PCNX1: variants seen among roughly 807,000 people sequenced by gnomAD.
The protein encoded by PCNX1 is pecanex 1.
A neutral mutation model predicts 242.2 loss-of-function variants in PCNX1; 78 were observed. The ratio of observed to expected loss-of-function variants is 0.32; its 90% CI spans 0.27 to 0.39. The LOEUF is 0.39. Ranked by LOEUF, PCNX1 falls within the 10% of genes least tolerant of loss-of-function variation. The pLI is 1.00. For missense variants in PCNX1, 2,581 were observed against 2,856.5 expected, an observed-to-expected ratio of 0.90 and a Z score of 2.20; for synonymous variants, 1,024 against 1,032.9, an observed-to-expected ratio of 0.99 and a Z score of 0.17.
intron 19 of PCNX1, among the ~76,000 whole-genome samples, chr14:71,041,800 A>ATACTG (rs2060714758): frequency 8.3e-6 from 1 of 120,816 alleles, no homozygotes; most frequent in African/African-American, 3.5e-5. Context: ...ATACTATACT[A>ATACTG]TACTATACTA....
chr14:70,974,315 A>G (rs1366098281), intron 5 of PCNX1, among the ~76,000 whole-genome samples: 1 of 119,960 alleles, frequency 8.3e-6, no homozygotes, highest in Non-Finnish European at 1.7e-5. Context: ...GTGTATTTTT[A>G]GTAGAGATGG....
intron 13 of PCNX1, among the ~76,000 whole-genome samples, chr14:71,025,325 C>G (rs2060211169): frequency 6.6e-6 from 1 of 152,160 alleles, no homozygotes. Flanking sequence ...ATATCTCTGT[C>G]ATTCTTTAAG....
At chr14:71,083,228 G>C (rs1461925331) in intron 28 of PCNX1, among the ~76,000 whole-genome samples, 2 of 152,198 alleles carry the variant, frequency 1.3e-5, no homozygotes, top group Non-Finnish European at 2.9e-5. Context: ...TCTGCTGTTA[G>C]TCTGATGGGC....
chr14:71,075,751 A>G (rs762678336), intron 27 of PCNX1, among the ~76,000 whole-genome samples: 37 of 152,062 alleles, frequency 2.4e-4, no homozygotes, highest in African/African-American at 8.7e-4. Context: ...ACAAAAATTT[A>G]TCTGGGTGTG....
intron 6 of PCNX1, among the ~76,000 whole-genome samples, chr14:70,984,918 G>A (rs2058953235): frequency 6.6e-6 from 1 of 152,094 alleles, no homozygotes; most frequent in South Asian, 2.1e-4. Context: ...ATAAATAGTT[G>A]CACTAAAATA....
At chr14:70,969,131 C>T (rs2058465814) in intron 5 of PCNX1, 21 bp downstream of exon 5, 1 of 1,388,672 alleles carries the variant, frequency 7.2e-7, no homozygotes, top group Non-Finnish European at 1.0e-6. Flanking sequence ...TATACTTTAC[C>T]ATGATGTCAT....
At chr14:71,041,780 CTACTATACTATACTA>C (rs71105759) in intron 19 of PCNX1, among the ~76,000 whole-genome samples, 4,096 of 149,258 alleles carry the variant, frequency 0.027, 140 homozygotes, top group African/African-American at 0.09. Flanking sequence ...GCATTTATTG[CTACTATACTATACTA>C]TACTATACTA....
At chr14:70,969,325 A>C in intron 5 of PCNX1, 2 of 448,392 alleles carry the variant, frequency 4.5e-6, no homozygotes, top group Non-Finnish European at 8.1e-6. Context: ...CCAGATAAAC[A>C]TGGAGAGAGA....
At chr14:71,066,409 CTGTT>C (rs1555372647) in intron 26 of PCNX1, among the ~76,000 whole-genome samples, 2 of 151,986 alleles carry the variant, frequency 1.3e-5, no homozygotes, top group Non-Finnish European at 2.9e-5. Context: ...ATTTGACTCT[CTGTT>C]TGTTATTGGT....
rs1299558649 is a variant in PCNX1 at position 71,055,621 on chromosome 14, G to A, written c.4636+59G>A. The A allele has an allele frequency of 3.1e-6, 3 of 981,008 alleles. No individual in the cohort carries two copies. The African/African-American group carries it at 4.8e-5, about 16-fold the overall frequency. The allele number at this position is 981,008 out of a possible 1,614,324, so 60.8% of individuals were successfully genotyped here. ...CTAAGGATTTGTTTTATATATATAT[G>A]TTTATATTCACTCCTAACTTGTTGG... On this transcript the variant is annotated intron_variant, in intron 25 of 35. Transcript: ENST00000304743.
chr14:70,985,704 T>C (rs2058981465), intron 6 of PCNX1, among the ~76,000 whole-genome samples: 1 of 152,224 alleles, frequency 6.6e-6, no homozygotes, highest in African/African-American at 2.4e-5. Flanking sequence ...TGTTTTTTCT[T>C]TTTTACCTAC....
intron 32 of PCNX1, 63 bp downstream of exon 32, chr14:71,103,732 G>A: frequency 6.7e-7 from 1 of 1,496,724 alleles, no homozygotes; most frequent in Non-Finnish European, 9.2e-7. Flanking sequence ...TCTAGGCAGT[G>A]TGCATCACCT....
chr14:70,913,108 AC>A (rs2055997641), intron 1 of PCNX1, among the ~76,000 whole-genome samples: 1 of 152,076 alleles, frequency 6.6e-6, no homozygotes, highest in African/African-American at 2.4e-5. Context: ...ATCATCCTCC[AC>A]TTCCATACCT....
chr14:70,966,075 T>G (rs1254530013), intron 3 of PCNX1, among the ~76,000 whole-genome samples: 1 of 152,220 alleles, frequency 6.6e-6, no homozygotes, highest in Non-Finnish European at 1.5e-5. Flanking sequence ...TTAAGTGTTT[T>G]TCTACAGTGA....
intron 1 of PCNX1, among the ~76,000 whole-genome samples, chr14:70,908,389 TG>T (rs1378815631): frequency 6.6e-6 from 1 of 151,802 alleles, no homozygotes; most frequent in East Asian, 1.9e-4. Context: ...CATCCATCCT[TG>T]GCACGCTGGG....
chr14:71,045,121 T>G lies in PCNX1; in HGVS notation c.3868-12T>G. The G allele has an allele frequency of 6.4e-7, 1 of 1,565,126 alleles. No individual in the cohort carries two copies. Among genetic ancestry groups the G allele is most frequent in the Non-Finnish European group, 8.6e-7 (1 of 1,158,138 alleles). On this transcript the variant is annotated splice_polypyrimidine_tract_variant and intron_variant, in intron 19 of 35. Coordinates refer to ENST00000304743, the MANE Select transcript of PCNX1 (RefSeq NM_014982.3). ...TCACTCCTAATTTTATCACTTCTATTATTTTTTTTAGCCTGCCCTCAAGTA... is the reference window on the plus strand; with the variant it reads ...TCACTCCTAATTTTATCACTTCTATGATTTTTTTTAGCCTGCCCTCAAGTA...
At position 70,977,314 on chromosome 14, in the gene PCNX1, A is replaced by G. The variant is rs1443001653; in HGVS notation, c.977A>G (p.Lys326Arg). 3 of 1,614,192 alleles carry G rather than the reference A, an allele frequency of 1.9e-6. No individual in the cohort carries two copies. The highest frequency in any genetic ancestry group is 1.3e-5 in the African/African-American group (1 of 75,038). ...TCTTCCAAGCCTCTTTCTGGATCCA[A>G]AGAATCCTTGGTGGAAAATTCTGGT... is the stretch of plus-strand genomic sequence containing the variant. ...LESSKPLSGSKESLVENSGLS... is the reference protein window; with the variant it reads ...LESSKPLSGSRESLVENSGLS... Residue 326 changes from lysine (K) to arginine (R), a missense_variant, in exon 6 of 36, where the codon AAA becomes AGA. By Grantham distance (26) the Lys-to-Arg change is conservative. Around this residue, in one of 9 missense-constraint regions of PCNX1, gnomAD observed 1,204 missense variants for 1,216.7 expected, o/e 0.99. Coordinates refer to ENST00000304743, the MANE Select transcript of PCNX1 (RefSeq NM_014982.3).
chr14:71,013,143 A>G lies in PCNX1; in HGVS notation c.2937A>G (p.Leu979=). 1 of 1,614,006 alleles carries G rather than the reference A, an allele frequency of 6.2e-7. No individual in the cohort carries two copies. The highest frequency in any genetic ancestry group is 2.2e-5 in the East Asian group (1 of 44,856). Residue 979 remains leucine, a synonymous_variant, in exon 11 of 36, where the codon CTA becomes CTG. Transcript: ENST00000304743. ...AACACTATTATCGCTTTTGGATCCT[A>G]CCCCAGCTGTGGATTGGCATTAACT... The part of the protein sequence containing the change: ...KVKHYYRFWI[L]PQLWIGINFD...
At chr14:70,956,824 T>A (rs894324573) in intron 2 of PCNX1, among the ~76,000 whole-genome samples, 11 of 152,044 alleles carry the variant, frequency 7.2e-5, no homozygotes, top group African/African-American at 2.7e-4. Flanking sequence ...GTTAGGCAAG[T>A]TTTTTTGCCT....
Sources: gnomAD v4.1 joint callset for allele counts (sites outside exome capture counted in the v4.1 genomes callset) on GRCh38, gnomAD v4.1.1 for gene constraint, gnomAD v4.1.1 regional missense constraint, MANE v1.5 for transcripts, NCBI Gene and HGNC (gene_info 2026-07-23, HGNC 2026-07-21) for gene names.